SLC44A5: variants seen among roughly 807,000 people sequenced by gnomAD.
The protein encoded by SLC44A5 is solute carrier family 44 member 5.
In SLC44A5, 57 loss-of-function variants were observed where a neutral mutation model predicts 101.8. The ratio of observed to expected loss-of-function variants is 0.56; its 90% confidence interval spans 0.45 to 0.70. The LOEUF is 0.70. Ranked by LOEUF, SLC44A5 falls within the 30% of genes least tolerant of loss-of-function variation. The probability of loss-of-function intolerance (pLI) is 0.00; values close to 1 mark genes in which losing one functional copy is unlikely to be tolerated. For synonymous variants in SLC44A5, 281 were observed against 290.9 expected (o/e 0.97, Z 0.35); for missense variants, 737 against 853.1 (o/e 0.86, Z 1.70).
chr1:75,468,023 A>C (rs978855483), intron 2 of SLC44A5, among the ~76,000 whole-genome samples: 4 of 142,232 alleles, frequency 2.8e-5, no homozygotes, highest in African/African-American at 7.9e-5. Flanking sequence ...AAAAGATTTG[A>C]ATAGACATTT....
At chr1:75,399,806 T>C (rs1228208213) in intron 2 of SLC44A5, among the ~76,000 whole-genome samples, 1 of 152,230 alleles carries the variant, frequency 6.6e-6, no homozygotes, top group Non-Finnish European at 1.5e-5. Context: ...GATGTTTTCT[T>C]TGACTTTCTG....
At chr1:75,661,305 C>T in the SLC44A5 span, among the ~76,000 whole-genome samples, 1 of 140,380 alleles carries the variant, frequency 7.1e-6, no homozygotes, top group East Asian at 2.4e-4. Flanking sequence ...AACTAGAACT[C>T]TATTTCTCAT....
At chr1:75,590,260 T>C (rs925065680) in intron 1 of SLC44A5, among the ~76,000 whole-genome samples, 7 of 152,052 alleles carry the variant, frequency 4.6e-5, no homozygotes, top group Non-Finnish European at 8.8e-5. Context: ...GTCAGCATCA[T>C]GAAGCTCTGT....
chr1:75,588,783 C>T (rs1053156213), intron 1 of SLC44A5, among the ~76,000 whole-genome samples: 16 of 151,986 alleles, frequency 1.1e-4, no homozygotes, highest in Middle Eastern at 3.4e-3. Context: ...ATTTCTTCCA[C>T]AAATAATTGG....
chr1:75,533,500 A>G (rs1418664077), intron 2 of SLC44A5, among the ~76,000 whole-genome samples: 1 of 152,246 alleles, frequency 6.6e-6, no homozygotes, highest in Non-Finnish European at 1.5e-5. Context: ...AGGGAAGGCA[A>G]CGAAAAGAAG....
the SLC44A5 span, among the ~76,000 whole-genome samples, chr1:75,632,362 A>G: frequency 1.3e-5 from 2 of 150,166 alleles, no homozygotes; most frequent in Admixed American, 1.3e-4. Context: ...AGCTATATGT[A>G]TTTCAGAAGG....
intron 2 of SLC44A5, among the ~76,000 whole-genome samples, chr1:75,537,699 T>C (rs1421109821): frequency 6.6e-6 from 1 of 152,148 alleles, no homozygotes; most frequent in Non-Finnish European, 1.5e-5. Flanking sequence ...GAATACAAGG[T>C]GAGGAGGGAA....
chr1:75,402,434 C>T (rs1394802046), intron 2 of SLC44A5: 2 of 402,332 alleles, frequency 5.0e-6, no homozygotes, highest in Non-Finnish European at 1.0e-5. Flanking sequence ...TCTGTGGCTT[C>T]CAGCAAGATC....
At chr1:75,680,888 G>A in the SLC44A5 span, among the ~76,000 whole-genome samples, 6 of 151,084 alleles carry the variant, frequency 4.0e-5, no homozygotes, top group Non-Finnish European at 7.4e-5. Flanking sequence ...GAAAAAAAGA[G>A]AGAAGAATCA....
At chr1:75,234,298 G>C (rs1370336377) in intron 11 of SLC44A5, among the ~76,000 whole-genome samples, 200 bp from the exon 12 acceptor site, 1 of 151,968 alleles carries the variant, frequency 6.6e-6, no homozygotes, top group Non-Finnish European at 1.5e-5. Context: ...GGATCATCAG[G>C]GACTTTATAC....
the SLC44A5 span, among the ~76,000 whole-genome samples, chr1:75,680,076 C>T: frequency 2.1e-4 from 32 of 152,136 alleles, no homozygotes; most frequent in Non-Finnish European, 3.4e-4. Context: ...CCTAAATATA[C>T]ATGCACCCAA....
the SLC44A5 span, among the ~76,000 whole-genome samples, chr1:75,711,481 G>A: frequency 1.3e-5 from 2 of 152,192 alleles, no homozygotes; most frequent in Admixed American, 6.5e-5. Flanking sequence ...ACTGAGGACT[G>A]TAGACCATAG....
intron 1 of SLC44A5, among the ~76,000 whole-genome samples, chr1:75,549,039 T>A (rs1671798013): frequency 6.6e-6 from 1 of 152,146 alleles, no homozygotes; most frequent in African/African-American, 2.4e-5. Flanking sequence ...GAAACAATCC[T>A]CGTTGAAGAC....
intron 12 of SLC44A5, among the ~76,000 whole-genome samples, chr1:75,228,992 A>T (rs79424454): frequency 0.28 from 42,912 of 151,454 alleles, 6,395 homozygotes; most frequent in Middle Eastern, 0.36. Flanking sequence ...TTTACCTAAA[A>T]GCTTACTAAT....
chr1:75,496,632 G>A (rs1390479149), intron 2 of SLC44A5, among the ~76,000 whole-genome samples: 1 of 149,634 alleles, frequency 6.7e-6, no homozygotes, highest in Non-Finnish European at 1.5e-5. Context: ...CAATAAAAGT[G>A]GGACTACATC....
chr1:75,284,808 C>T (rs1271914319), intron 5 of SLC44A5, among the ~76,000 whole-genome samples: 1 of 152,088 alleles, frequency 6.6e-6, no homozygotes, highest in Non-Finnish European at 1.5e-5. Context: ...TGATGTATCA[C>T]ATTTATTGAC....
At chr1:75,574,305 T>C (rs1427179913) in intron 1 of SLC44A5, among the ~76,000 whole-genome samples, 2 of 152,196 alleles carry the variant, frequency 1.3e-5, no homozygotes, top group African/African-American at 4.8e-5. Flanking sequence ...ATTGATATTA[T>C]TTAGTAAATG....
the SLC44A5 span, among the ~76,000 whole-genome samples, chr1:75,674,554 A>G: frequency 3.3e-5 from 5 of 151,994 alleles, no homozygotes; most frequent in African/African-American, 9.7e-5. Context: ...TAATTTTTGT[A>G]TTTTTAGTAG....
chr1:75,329,983 A>G (rs1320162812), intron 4 of SLC44A5, among the ~76,000 whole-genome samples: 1 of 151,878 alleles, frequency 6.6e-6, no homozygotes, highest in Non-Finnish European at 1.5e-5. Flanking sequence ...CATGTAATTT[A>G]GGTATCTAAT....
Sources: gnomAD v4.1 joint callset for allele counts (sites outside exome capture counted in the v4.1 genomes callset) on GRCh38, gnomAD v4.1.1 for gene constraint, MANE v1.5 for transcripts, NCBI Gene and HGNC (gene_info 2026-07-23, HGNC 2026-07-21) for gene names.